Variants in KCNH8 observed in about 807,000 individuals in gnomAD.
The protein encoded by KCNH8 is voltage-gated delayed rectifier potassium channel KCNH8.
Under a neutral mutation model 103.6 loss-of-function variants are expected in KCNH8, and 70 were observed. That is an observed-to-expected ratio of 0.68 (90% CI 0.56 to 0.82). The LOEUF (loss-of-function observed/expected upper bound fraction) is 0.82, where lower values mean the gene tolerates loss of function less well. Ranked by LOEUF, KCNH8 falls within the 40% of genes least tolerant of loss-of-function variation. The pLI is 0.00. For missense variants in KCNH8, 1,217 were observed against 1,329.9 expected (o/e 0.92, Z 1.32); for synonymous variants, 498 against 489.4 (o/e 1.02, Z -0.23).
chr3:19,401,976 A>C (rs1234621959), intron 7 of KCNH8, among the ~76,000 whole-genome samples: 1 of 151,866 alleles, frequency 6.6e-6, no homozygotes, highest in Non-Finnish European at 1.5e-5. Flanking sequence ...CCTACAATAT[A>C]CTCAGTATCT....
chr3:19,270,011 GGTA>G (rs2064565737), intron 2 of KCNH8, among the ~76,000 whole-genome samples: 1 of 152,038 alleles, frequency 6.6e-6, no homozygotes, highest in East Asian at 1.9e-4. Context: ...TAAATACTTT[GGTA>G]GTATATAGTC....
At chr3:19,491,108 A>G (rs1483138981) in intron 11 of KCNH8, among the ~76,000 whole-genome samples, 3 of 152,230 alleles carry the variant, frequency 2.0e-5, no homozygotes, top group Non-Finnish European at 2.9e-5. Flanking sequence ...AATTATTCAG[A>G]TAGCCCATCA....
chr3:19,162,358 C>CAAA lies in KCNH8; in HGVS notation c.76+13578_76+13580dup, dbSNP rs1170369183. ...GAAAACCCATCTGTAACTAAAAATA[C>CAAA]AAAAAAAAAAAAAAAAAGTATCTGG... On this transcript the variant is annotated intron_variant, in intron 1 of 15. Coordinates refer to ENST00000328405, the MANE Select transcript of KCNH8 (RefSeq NM_144633.3). 5.9e-3 allele frequency among the ~76,000 whole-genome samples: 446 copies of CAAA among 75,802 alleles called. 2 individuals carry two copies. The highest frequency in any genetic ancestry group is 0.015 in the African/African-American group (357 of 23,268). 49.7% of individuals were successfully genotyped at this position (75,802 alleles called of 152,430 possible).
chr3:19,420,445 C>T (rs570652172), intron 7 of KCNH8, among the ~76,000 whole-genome samples: 82 of 152,206 alleles, frequency 5.4e-4, no homozygotes, highest in African/African-American at 1.9e-3. Flanking sequence ...TTGACTGTGA[C>T]GCACAGAGGG....
At chr3:19,394,877 G>T (rs2066491518) in intron 6 of KCNH8, among the ~76,000 whole-genome samples, 1 of 151,858 alleles carries the variant, frequency 6.6e-6, no homozygotes, top group Admixed American at 6.6e-5. Context: ...ATTAAGAAAG[G>T]TGTTTACTCA....
chr3:19,198,325 G>A (rs555028919), intron 1 of KCNH8, among the ~76,000 whole-genome samples: 195 of 152,118 alleles, frequency 1.3e-3, no homozygotes, highest in African/African-American at 4.5e-3. Flanking sequence ...CCTTGAACTG[G>A]AGGAGTTGGG....
At chr3:19,197,321 C>G (rs1412257376) in intron 1 of KCNH8, among the ~76,000 whole-genome samples, 1 of 151,950 alleles carries the variant, frequency 6.6e-6, no homozygotes, top group Non-Finnish European at 1.5e-5. Context: ...TTAGTTTTCT[C>G]TGTTATGAGG....
intron 1 of KCNH8, among the ~76,000 whole-genome samples, chr3:19,246,565 A>G (rs2064209950): frequency 6.6e-6 from 1 of 151,860 alleles, no homozygotes; most frequent in Non-Finnish European, 1.5e-5. Flanking sequence ...GTGAGTCACC[A>G]CGCCCAGCCA....
chr3:19,440,370 C>A (rs1159032977), intron 8 of KCNH8, among the ~76,000 whole-genome samples: 1 of 152,066 alleles, frequency 6.6e-6, no homozygotes, highest in African/African-American at 2.4e-5. Context: ...GAAGACATAT[C>A]CAAGACTGGG....
chr3:19,529,505 G>A (rs2069124761), intron 15 of KCNH8, among the ~76,000 whole-genome samples: 1 of 152,120 alleles, frequency 6.6e-6, no homozygotes, highest in African/African-American at 2.4e-5. Flanking sequence ...ATGCTATGAA[G>A]AAGCACTTGA....
rs187788619 is a variant in KCNH8, at chr3:19,203,268, C to T, written c.77-50386C>T. Among the ~76,000 whole-genome samples the T allele has an allele frequency of 7.9e-5, 12 of 152,044 alleles. No homozygotes were observed. In the East Asian group the frequency reaches 1.9e-3, roughly 24 times the overall value. The stretch of plus-strand genomic sequence containing the variant: ...TTAGAGCTCCCATCTTTGAGTTACT[C>T]ATATATTTGAAGCACTTAAATTTGG... On this transcript the variant is annotated intron_variant, in intron 1 of 15. Coordinates refer to ENST00000328405, the MANE Select transcript of KCNH8 (RefSeq NM_144633.3).
chr3:19,274,287 A>G (rs535584471), intron 2 of KCNH8, among the ~76,000 whole-genome samples: 38 of 152,290 alleles, frequency 2.5e-4, no homozygotes, highest in African/African-American at 8.7e-4. Context: ...AAATTTAAAT[A>G]TAATACATGC....
chr3:19,496,620 T>G (rs1480040822), intron 11 of KCNH8, among the ~76,000 whole-genome samples: 1 of 151,742 alleles, frequency 6.6e-6, no homozygotes, highest in East Asian at 1.9e-4. Context: ...GATTTTTGTC[T>G]GTGTTCATCA....
At chr3:19,408,147 C>A (rs1423010872) in intron 7 of KCNH8, among the ~76,000 whole-genome samples, 1 of 152,076 alleles carries the variant, frequency 6.6e-6, no homozygotes, top group Non-Finnish European at 1.5e-5. Context: ...ACAACCAAAT[C>A]TTACCTATAA....
chr3:19,507,502 T>G (rs1467797598), intron 11 of KCNH8, among the ~76,000 whole-genome samples: 2 of 152,068 alleles, frequency 1.3e-5, no homozygotes, highest in African/African-American at 4.8e-5. Context: ...ACTAGGCCCT[T>G]TGTTCCATCC....
At chr3:19,355,100 G>T (rs1169562845) in intron 5 of KCNH8, among the ~76,000 whole-genome samples, 4 of 152,112 alleles carry the variant, frequency 2.6e-5, no homozygotes, top group African/African-American at 7.2e-5. Flanking sequence ...CTCAAAAGAA[G>T]ACATTTATGC....
chr3:19,322,520 C>A (rs2065363530), intron 3 of KCNH8, among the ~76,000 whole-genome samples: 1 of 152,080 alleles, frequency 6.6e-6, no homozygotes, highest in Non-Finnish European at 1.5e-5. Context: ...AATATTGGAC[C>A]CCAATCCCTT....
At chr3:19,177,325 C>T (rs2063410275) in intron 1 of KCNH8, among the ~76,000 whole-genome samples, 1 of 151,964 alleles carries the variant, frequency 6.6e-6, no homozygotes, top group Non-Finnish European at 1.5e-5. Context: ...TTCATGAGTA[C>T]TGATTTTGTG....
intron 7 of KCNH8, among the ~76,000 whole-genome samples, chr3:19,436,152 T>C (rs920177150): frequency 2.0e-5 from 3 of 152,190 alleles, no homozygotes; most frequent in African/African-American, 4.8e-5. Context: ...ACCTATTGTA[T>C]TCATGGAATC....
Sources: allele counts gnomAD v4.1 joint callset (sites outside exome capture counted in the v4.1 genomes callset), GRCh38; gene constraint gnomAD v4.1.1; transcripts MANE v1.5; gene names NCBI Gene and HGNC (gene_info 2026-07-23, HGNC 2026-07-21).